IPPK: variants seen among roughly 807,000 people sequenced by gnomAD.
IPPK encodes the protein IPK1 homolog.
Under a neutral mutation model 64.6 loss-of-function variants are expected in IPPK, and 22 were observed. The observed-to-expected ratio is 0.34, with a 90% CI of 0.24 to 0.49. IPPK has a LOEUF of 0.49. Ranked by LOEUF, IPPK falls within the 20% of genes least tolerant of loss-of-function variation. IPPK has a pLI of 0.99. For missense variants in IPPK, 532 were observed against 630.7 expected, an observed-to-expected ratio of 0.84 and a Z score of 1.68; for synonymous variants, 262 against 247.2, an observed-to-expected ratio of 1.06 and a Z score of -0.56.
chr9:92,637,881 C>T, intron 9 of IPPK, 120 bp downstream of exon 9: 2 of 1,114,394 alleles, frequency 1.8e-6, no homozygotes, highest in Non-Finnish European at 2.4e-6. Context: ...CTGGCGTAAC[C>T]AGGTGGCATC....
intron 9 of IPPK, 44 bp downstream of exon 9, chr9:92,637,957 C>T (rs1448452957): frequency 1.4e-5 from 20 of 1,474,974 alleles, no homozygotes; most frequent in Non-Finnish European, 1.7e-5. Context: ...AGTCCCAAGG[C>T]CCCTGCGGCC....
intron 11 of IPPK, 31 bp downstream of exon 11, chr9:92,634,355 A>G (rs1356983472): frequency 2.7e-6 from 4 of 1,483,042 alleles, no homozygotes; most frequent in East Asian, 2.3e-5. Context: ...GCTAAGGATC[A>G]CACAGCAAGT....
At chr9:92,626,261 G>A (rs1355888474) in intron 11 of IPPK, among the ~76,000 whole-genome samples, 1 of 152,160 alleles carries the variant, frequency 6.6e-6, no homozygotes, top group Non-Finnish European at 1.5e-5. Context: ...GCTGGGCGTG[G>A]TGGCAGGCGC....
At chr9:92,660,890 AAAAAATTTTT>A (rs1158759669) in intron 1 of IPPK, among the ~76,000 whole-genome samples, 1 of 152,244 alleles carries the variant, frequency 6.6e-6, no homozygotes, top group Non-Finnish European at 1.5e-5. Flanking sequence ...GCTTATGAAG[AAAAAATTTTT>A]AAAAATAAGT....
At chr9:92,648,838 G>A (rs930574172) in intron 5 of IPPK, among the ~76,000 whole-genome samples, 1 of 152,234 alleles carries the variant, frequency 6.6e-6, no homozygotes, top group Non-Finnish European at 1.5e-5. Context: ...ATGGGAAGCA[G>A]AGAGCTGAAG....
chr9:92,669,533 G>C (rs1383521652), intron 1 of IPPK, among the ~76,000 whole-genome samples: 1 of 152,186 alleles, frequency 6.6e-6, no homozygotes, highest in Non-Finnish European at 1.5e-5. Context: ...CCCCACTGCG[G>C]CCTGGCAGTC....
intron 8 of IPPK, among the ~76,000 whole-genome samples, chr9:92,639,160 C>A (rs559865188): frequency 6.6e-6 from 1 of 152,260 alleles, no homozygotes; most frequent in South Asian, 2.1e-4. Context: ...GCAATCCTTC[C>A]ACCTCAGGCT....
At chr9:92,629,583 C>T (rs766456005) in intron 11 of IPPK, among the ~76,000 whole-genome samples, 8 of 151,610 alleles carry the variant, frequency 5.3e-5, no homozygotes, top group Admixed American at 2.0e-4. Context: ...GAAACCTTGT[C>T]GCTAACAAAA....
chr9:92,660,563 AGGG>A (rs752100704), intron 1 of IPPK, among the ~76,000 whole-genome samples: 19 of 152,252 alleles, frequency 1.2e-4, no homozygotes, highest in Non-Finnish European at 2.4e-4. Flanking sequence ...AGTCCTGATC[AGGG>A]TGATGCCAGG....
chr9:92,667,456 G>A (rs1171266778), intron 1 of IPPK, among the ~76,000 whole-genome samples: 1 of 152,222 alleles, frequency 6.6e-6, no homozygotes, highest in Admixed American at 6.5e-5. Flanking sequence ...GAGCTGGTGG[G>A]CTAGGCTTGG....
chr9:92,634,527 C>T (rs758698112), intron 10 of IPPK, 39 bp from the exon 11 acceptor site: 41 of 1,435,518 alleles, frequency 2.9e-5, no homozygotes, highest in Non-Finnish European at 2.1e-5. Context: ...ATGACAAAGC[C>T]GCACGGAGGT....
chr9:92,631,071 C>G (rs1851832837), intron 11 of IPPK, among the ~76,000 whole-genome samples: 1 of 152,118 alleles, frequency 6.6e-6, no homozygotes, highest in Non-Finnish European at 1.5e-5. Context: ...TTACAAATGT[C>G]TGCTGACCCC....
intron 6 of IPPK, among the ~76,000 whole-genome samples, chr9:92,644,869 C>G (rs887082349): frequency 6.6e-6 from 1 of 152,096 alleles, no homozygotes; most frequent in Non-Finnish European, 1.5e-5. Context: ...TCACAAAACA[C>G]GCAAAGAAAC....
At chr9:92,627,114 TTAGA>T (rs1259624057) in intron 11 of IPPK, among the ~76,000 whole-genome samples, 2 of 152,014 alleles carry the variant, frequency 1.3e-5, no homozygotes, top group Non-Finnish European at 2.9e-5. Context: ...ATTAGAAAAC[TTAGA>T]TAAACTGAAC....
chr9:92,641,896 G>T (rs1852054396), intron 7 of IPPK, among the ~76,000 whole-genome samples: 1 of 152,218 alleles, frequency 6.6e-6, no homozygotes, highest in Non-Finnish European at 1.5e-5. Context: ...AGTAACAGGG[G>T]TCCCAGGGAG....
chr9:92,660,541 T>C (rs1342846527), intron 1 of IPPK, among the ~76,000 whole-genome samples: 1 of 152,194 alleles, frequency 6.6e-6, no homozygotes, highest in Non-Finnish European at 1.5e-5. Context: ...CAATGGACTT[T>C]TGTAGCAAAG....
Position 92,638,185 on chromosome 9 carries a change from G to A in IPPK, c.732C>T (p.Ser244=), listed in dbSNP as rs763690068. 1 of 1,614,242 alleles carries A rather than the reference G, an allele frequency of 6.2e-7. No homozygotes were observed. The highest frequency in any genetic ancestry group is 1.7e-5 in the Admixed American group (1 of 60,036). The change falls in exon 9 of 13, where the codon TCC becomes TCT. Residue 244 remains serine (S), a synonymous_variant. Coordinates refer to ENST00000287996, the MANE Select transcript of IPPK (RefSeq NM_022755.6). ...AHHLKPFFFP[S]NGLASGPHCT... ...AGTGGGGCCCACTGGCCAGGCCGTTGGAAGGGAAGAAGAACGGCTTCAGGT... is the reference window on the plus strand; with the variant it reads ...AGTGGGGCCCACTGGCCAGGCCGTTAGAAGGGAAGAAGAACGGCTTCAGGT...
intron 1 of IPPK, among the ~76,000 whole-genome samples, chr9:92,659,870 A>G (rs1852447087): frequency 6.6e-6 from 1 of 152,054 alleles, no homozygotes; most frequent in South Asian, 2.1e-4. Flanking sequence ...TCCAGTTCCC[A>G]GCCAATGCCA....
At chr9:92,623,715 C>T (rs539260916) in intron 11 of IPPK, among the ~76,000 whole-genome samples, 1 of 152,256 alleles carries the variant, frequency 6.6e-6, no homozygotes, top group East Asian at 1.9e-4. Context: ...ATTCAGAAGA[C>T]CCACAACTAA....
Sources: allele counts gnomAD v4.1 joint callset (sites outside exome capture counted in the v4.1 genomes callset), GRCh38; gene constraint gnomAD v4.1.1; transcripts MANE v1.5; gene names NCBI Gene and HGNC (gene_info 2026-07-23, HGNC 2026-07-21).